Variants in SDCBP observed in about 807,000 individuals in gnomAD.
SDCBP encodes the protein syndecan binding protein.
Under a neutral mutation model 30.5 loss-of-function variants are expected in SDCBP, and 22 were observed. That is an observed-to-expected ratio of 0.72 (90% CI 0.52 to 1.03). SDCBP has a LOEUF of 1.03. Ranked by LOEUF, SDCBP falls within the 50% of genes least tolerant of loss-of-function variation. The probability of loss-of-function intolerance (pLI) is 0.00; values close to 1 mark genes in which losing one functional copy is unlikely to be tolerated. For synonymous variants in SDCBP, 103 were observed against 118.7 expected, an observed-to-expected ratio of 0.87 and a Z score of 0.86; for missense variants, 304 against 369.9, an observed-to-expected ratio of 0.82 and a Z score of 1.46.
At chr8:58,580,977 C>T (rs541069960) in intron 8 of SDCBP, among the ~76,000 whole-genome samples, 1 of 152,310 alleles carries the variant, frequency 6.6e-6, no homozygotes, top group Admixed American at 6.5e-5. Flanking sequence ...AGAATTCTTG[C>T]TGGTGGAATG....
At chr8:58,574,402 C>CT in intron 4 of SDCBP, among the ~76,000 whole-genome samples, 1 of 152,266 alleles carries the variant, frequency 6.6e-6, no homozygotes, top group Middle Eastern at 3.4e-3. Context: ...CATAGCTGCT[C>CT]TGATTCTTAT....
intron 1 of SDCBP, among the ~76,000 whole-genome samples, chr8:58,556,118 A>C (rs1160440789): frequency 6.6e-6 from 1 of 152,224 alleles, no homozygotes; most frequent in African/African-American, 2.4e-5. Flanking sequence ...CTGCCGTCCT[A>C]AATTTTTATT....
At chr8:58,566,939 G>A (rs1326697792) in intron 2 of SDCBP, among the ~76,000 whole-genome samples, 1 of 152,148 alleles carries the variant, frequency 6.6e-6, no homozygotes, top group South Asian at 2.1e-4. Flanking sequence ...CCTGACAAGA[G>A]CCTGTGGTTT....
intron 3 of SDCBP, among the ~76,000 whole-genome samples, chr8:58,571,772 A>G (rs1193615768): frequency 2.0e-5 from 3 of 152,206 alleles, no homozygotes; most frequent in African/African-American, 7.2e-5. Flanking sequence ...GTTCATAAGA[A>G]TCATTCCATA....
rs745949652 is a variant in SDCBP, at chr8:58,580,571, A to G, written c.805A>G (p.Ile269Val). ...ATCTGGGACTGTAGTTACTATTACAATCATGCCTGCTTTTATCTTTGAACA... is the reference window on the plus strand; with the variant it reads ...ATCTGGGACTGTAGTTACTATTACAGTCATGCCTGCTTTTATCTTTGAACA... ...STSGTVVTIT[I>V]MPAFIFEHII... The change falls in exon 8 of 9, where the codon ATC becomes GTC. Residue 269 changes from isoleucine (I) to valine (V), a missense_variant. By Grantham distance (29) the Ile-to-Val change is conservative (BLOSUM62 3). Transcript: ENST00000260130. 32 of 1,593,386 alleles carry G rather than the reference A, an allele frequency of 2.0e-5. No individual in the cohort carries two copies. The Middle Eastern group carries it at 2.0e-3, about 100-fold the overall frequency.
At chr8:58,565,540 AG>A (rs1223809066) in intron 2 of SDCBP, among the ~76,000 whole-genome samples, 1 of 152,160 alleles carries the variant, frequency 6.6e-6, no homozygotes, top group Non-Finnish European at 1.5e-5. Flanking sequence ...GTAAGAGCAC[AG>A]GGAAAGTGTA....
In SDCBP at chr8:58,582,302, A is replaced by G. The variant is rs1398615459; in HGVS notation, c.*562A>G. On this transcript the variant is annotated 3_prime_UTR_variant, in exon 9 of 9. Coordinates refer to ENST00000260130, the MANE Select transcript of SDCBP (RefSeq NM_005625.4). ...AGATTGTGATGATTCTTAAATTTTA[A>G]CTACCTTCACTTAATATGCTTGAAC... 1 of 152,712 alleles carries G rather than the reference A, an allele frequency of 6.5e-6. No homozygotes were observed. Among genetic ancestry groups the G allele is most frequent in the African/African-American group, 2.4e-5 (1 of 41,436 alleles). 9.5% of individuals were successfully genotyped at this position (152,712 alleles called of 1,614,324 possible). A position where few individuals can be genotyped will look rare whatever the true frequency, so the allele number is the denominator to read the frequency against.
chr8:58,579,865 T>A, intron 7 of SDCBP, 71 bp downstream of exon 7: 1 of 1,410,240 alleles, frequency 7.1e-7, no homozygotes, highest in Non-Finnish European at 9.4e-7. Context: ...TGTATTTAGG[T>A]GGCGCTGTTT....
chr8:58,575,702 G>T (rs1805274277), intron 4 of SDCBP, among the ~76,000 whole-genome samples, 198 bp from the exon 5 acceptor site: 2 of 152,222 alleles, frequency 1.3e-5, no homozygotes, highest in South Asian at 4.1e-4. Flanking sequence ...TATTAGAGAT[G>T]ATATGTGTGG....
Position 58,579,682 on chromosome 8 carries a change from T to G in SDCBP, c.638T>G (p.Phe213Cys), listed in dbSNP as rs771127412. Residue 213 changes from phenylalanine (F) to cysteine (C), a missense_variant, in exon 7 of 9, where the codon TTT becomes TGT. Physicochemically the swap from Phe to Cys is radical, Grantham distance 205 (BLOSUM62 -2). Transcript: ENST00000260130. Reference sequence around the variant, plus strand: ...AGCACTGGACATGTTGGTTTTATCTTTAAAAATGGAAAAATAACATCCATA... The same window carrying G: ...AGCACTGGACATGTTGGTTTTATCTGTAAAAATGGAAAAATAACATCCATA... ...KDSTGHVGFI[F>C]KNGKITSIVK... is the part of the protein sequence containing the mutation. 1.9e-6 allele frequency: 3 copies of G among 1,612,058 alleles called. No individual in the cohort carries two copies.
chr8:58,563,151 A>T (rs181621714), intron 1 of SDCBP, among the ~76,000 whole-genome samples: 1 of 152,354 alleles, frequency 6.6e-6, no homozygotes, highest in African/African-American at 2.4e-5. Context: ...TTTTAACAGC[A>T]TTATTTATAA....
intron 2 of SDCBP, among the ~76,000 whole-genome samples, chr8:58,569,709 C>A (rs968707893): frequency 6.6e-6 from 1 of 151,706 alleles, no homozygotes; most frequent in African/African-American, 2.4e-5. Flanking sequence ...AGTAATATAA[C>A]AAGCCACTAG....
intron 1 of SDCBP, among the ~76,000 whole-genome samples, chr8:58,557,818 T>G (rs1463707642): frequency 6.6e-6 from 1 of 152,174 alleles, no homozygotes; most frequent in African/African-American, 2.4e-5. Context: ...TTCTTAGTGA[T>G]TACTCAGCTC....
intron 2 of SDCBP, among the ~76,000 whole-genome samples, chr8:58,569,486 C>T (rs1397747558): frequency 6.6e-6 from 1 of 152,232 alleles, no homozygotes; most frequent in Non-Finnish European, 1.5e-5. Flanking sequence ...AGGCCTCAGC[C>T]ACTGTGCCTG....
intron 1 of SDCBP, among the ~76,000 whole-genome samples, chr8:58,554,061 A>G (rs1803968296): frequency 6.6e-6 from 1 of 152,158 alleles, no homozygotes; most frequent in African/African-American, 2.4e-5. Flanking sequence ...CACTTTTACC[A>G]AAGTGGTGAT....
chr8:58,576,027 G>A lies in SDCBP; in HGVS notation c.368G>A (p.Gly123Glu). ...GTCATTTTGTGTAAGGATCAAGATG[G>A]AAAAATTGGACTCAGGCTTAAATCA... ...REVILCKDQD[G>E]KIGLRLKSID... The change falls in exon 5 of 9, where the codon GGA (glycine) becomes GAA (glutamate). Residue 123 changes from glycine to glutamate, a missense_variant. Physicochemically the swap from Gly to Glu is moderately conservative, Grantham distance 98. Coordinates refer to ENST00000260130, the MANE Select transcript of SDCBP (RefSeq NM_005625.4). The A allele has an allele frequency of 6.2e-7, 1 of 1,613,214 alleles. No individual in the cohort carries two copies. The highest frequency in any genetic ancestry group is 2.2e-5 in the East Asian group (1 of 44,812).
Position 58,572,202 on chromosome 8 carries a change from T to C in SDCBP, c.131-3T>C, listed in dbSNP as rs1377580741. On this transcript the variant is annotated splice_region_variant and splice_polypyrimidine_tract_variant and intron_variant, in intron 3 of 8. Transcript: ENST00000260130. Reference sequence around the variant, plus strand: ...CTTTTTAATTTATTCATTTACTTTTTAGATCTCTATCCCAGACTGTATCCA... The same window carrying C: ...CTTTTTAATTTATTCATTTACTTTTCAGATCTCTATCCCAGACTGTATCCA... 6.4e-7 allele frequency: 1 copy of C among 1,566,914 alleles called. No individual in the cohort carries two copies. The highest frequency in any genetic ancestry group is 1.1e-5 in the South Asian group (1 of 89,100).
At chr8:58,571,015 T>G in intron 3 of SDCBP, 50 bp downstream of exon 3, 1 of 1,391,690 alleles carries the variant, frequency 7.2e-7, no homozygotes, top group Non-Finnish European at 1.0e-6. Context: ...TATTGTTATC[T>G]TCTTTTGCTC....
intron 1 of SDCBP, among the ~76,000 whole-genome samples, chr8:58,558,156 G>A (rs759215301): frequency 6.6e-6 from 1 of 152,162 alleles, no homozygotes; most frequent in African/African-American, 2.4e-5. Flanking sequence ...TACACTGTTA[G>A]GTTCAAAAGT....
Sources: gnomAD v4.1 joint callset for allele counts (sites outside exome capture counted in the v4.1 genomes callset) on GRCh38, gnomAD v4.1.1 for gene constraint, MANE v1.5 for transcripts, NCBI Gene and HGNC (gene_info 2026-07-23, HGNC 2026-07-21) for gene names.